Variants in TTC39A observed in about 807,000 individuals in gnomAD.
TTC39A encodes tetratricopeptide repeat domain 39A.
A neutral mutation model predicts 82.3 loss-of-function variants in TTC39A; 46 were observed. The ratio of observed to expected loss-of-function variants is 0.56; its 90% CI spans 0.44 to 0.71. The LOEUF (loss-of-function observed/expected upper bound fraction) is 0.71, where lower values mean the gene tolerates loss of function less well. TTC39A is among the 30% of genes least tolerant of loss of function. TTC39A has a pLI of 0.00. For missense variants in TTC39A, 543 were observed against 712.9 expected, an observed-to-expected ratio of 0.76 and a Z score of 2.71; for synonymous variants, 254 against 275.2, an observed-to-expected ratio of 0.92 and a Z score of 0.76.
intron 15 of TTC39A, 83 bp from the exon 16 acceptor site, chr1:51,290,202 G>T: frequency 2.3e-6 from 3 of 1,285,578 alleles, no homozygotes; most frequent in Non-Finnish European, 3.3e-6. Flanking sequence ...TTTGTGCTAG[G>T]TCAAAGGGAC....
chr1:51,320,410 CT>C (rs1557735343), intron 2 of TTC39A, among the ~76,000 whole-genome samples: 1 of 124,328 alleles, frequency 8.0e-6, no homozygotes, highest in African/African-American at 3.1e-5. Flanking sequence ...TTTTCTTTTT[CT>C]TTTTCTTTTT....
chr1:51,302,085 G>GCACCTCCCTC (rs71578067), intron 11 of TTC39A: 7,674 of 720,198 alleles, frequency 0.011, 83 homozygotes, highest in South Asian at 0.023. Flanking sequence ...CCTCCCTCAA[G>GCACCTCCCTC]CACCTCCCTC....
chr1:51,302,365 T>C lies in TTC39A; in HGVS notation c.883A>G (p.Ile295Val), dbSNP rs1482111597. 6.2e-7 allele frequency: 1 copy of C among 1,603,278 alleles called. No homozygotes were observed. Among genetic ancestry groups the C allele is most frequent in the East Asian group, 2.2e-5 (1 of 44,452 alleles). ...AGRIEVIKGN[I>V]DAAIRRFEEC... ...GGACCCCCATCACTCACTGCATCAA[T>C]GTTGCCTTTAATGACTTCAATCCTC... Residue 295 changes from isoleucine to valine, a missense_variant, in exon 11 of 18, where the codon ATT (isoleucine) becomes GTT (valine). Transcript: ENST00000680483.
chr1:51,303,646 C>A (rs369181102), intron 8 of TTC39A, among the ~76,000 whole-genome samples: 4 of 152,194 alleles, frequency 2.6e-5, no homozygotes, highest in Non-Finnish European at 4.4e-5. Context: ...GCAGACCCCC[C>A]ACCTTGTTTC....
chr1:51,302,194 C>A, intron 11 of TTC39A, 163 bp downstream of exon 11: 1 of 900,318 alleles, frequency 1.1e-6, no homozygotes, highest in South Asian at 1.4e-5. Flanking sequence ...GGCTGCTCTG[C>A]CAGAAGGGCC....
At chr1:51,308,546 C>A (rs2148211187) in intron 6 of TTC39A, among the ~76,000 whole-genome samples, 2 of 152,280 alleles carry the variant, frequency 1.3e-5, no homozygotes, top group South Asian at 4.1e-4. Context: ...AGCCTCAAAT[C>A]AACTTTTAAT....
At chr1:51,331,262 T>A (rs1454141807), upstream of TTC39A, 4 of 1,547,452 alleles carry the variant, frequency 2.6e-6, no homozygotes, top group East Asian at 9.8e-5. Context: ...AGTGCCTGTG[T>A]GGGGGTCACC....
exon 1 of TTC39A, chr1:51,345,047 C>A (rs1481369889): frequency 1.4e-6 from 2 of 1,475,240 alleles, no homozygotes; most frequent in South Asian, 1.3e-5. Flanking sequence ...AGGCCATGGG[C>A]GCGGGCCGGG....
chr1:51,294,605 G>C lies in TTC39A; in HGVS notation c.1146-94C>G. On this transcript the variant is annotated intron_variant, in intron 13 of 17. Transcript: ENST00000680483. The surrounding 1 kb of genome is among the most constrained non-coding windows in gnomAD (Gnocchi z 4.3). ...ACCCAGCTATGCTTGGCGCCTCTCT[G>C]GGCCTCAGTTTCCCCATCTGCACAA... 6.4e-7 allele frequency: 1 copy of C among 1,553,852 alleles called. No individual in the cohort carries two copies. The highest frequency in any genetic ancestry group is 1.2e-5 in the South Asian group (1 of 84,964).
Position 51,294,610 on chromosome 1 carries a change from TCA to T in TTC39A, c.1146-101_1146-100del, listed in dbSNP as rs1644345461. On this transcript the variant is annotated intron_variant, in intron 13 of 17. Coordinates refer to ENST00000680483, the MANE Select transcript of TTC39A (RefSeq NM_001297663.2). The surrounding 1 kb of genome is among the most constrained non-coding windows in gnomAD (Gnocchi z 4.3). ...GCTATGCTTGGCGCCTCTCTGGGCCTCAGTTTCCCCATCTGCACAATGACAGT... is the reference window on the plus strand; with the variant it reads ...GCTATGCTTGGCGCCTCTCTGGGCCTGTTTCCCCATCTGCACAATGACAGT... 1 of 1,530,798 alleles carries T rather than the reference TCA, an allele frequency of 6.5e-7. No individual in the cohort carries two copies. The highest frequency in any genetic ancestry group is 1.4e-5 in the African/African-American group (1 of 73,378). 94.8% of individuals were successfully genotyped at this position (1,530,798 alleles called of 1,614,324 possible).
chr1:51,339,544 G>C (rs184565530), intron 1 of TTC39A, among the ~76,000 whole-genome samples: 1 of 152,174 alleles, frequency 6.6e-6, no homozygotes, highest in African/African-American at 2.4e-5. Context: ...CTACAGGAAG[G>C]CTCCTTCCAG....
chr1:51,296,324 T>TG (rs1490440147), intron 12 of TTC39A, among the ~76,000 whole-genome samples, 154 bp from the exon 13 acceptor site: 1 of 152,200 alleles, frequency 6.6e-6, no homozygotes, highest in Non-Finnish European at 1.5e-5. Context: ...TGAAGCAACT[T>TG]GAAGACCTGA....
In TTC39A at chr1:51,312,113, C is replaced by A. The variant is rs139321660; in HGVS notation, c.355+6G>T. On this transcript the variant is annotated splice_donor_region_variant and intron_variant, in intron 4 of 17. Coordinates refer to ENST00000680483, the MANE Select transcript of TTC39A (RefSeq NM_001297663.2). ...CATGGTTGAAAGGATGTCCTGGATG[C>A]CACACCTTCAGTGAATTGGCCCAGC... 3 of 1,609,862 alleles carry A rather than the reference C, an allele frequency of 1.9e-6. No homozygotes were observed. Among genetic ancestry groups the A allele is most frequent in the East Asian group, 2.2e-5 (1 of 44,824 alleles).
intron 2 of TTC39A, 139 bp from the exon 3 acceptor site, chr1:51,313,082 C>G: frequency 8.3e-7 from 1 of 1,205,816 alleles, no homozygotes; most frequent in East Asian, 2.4e-5. Context: ...AGGGCCTTGG[C>G]CAGGTCTAAT....
chr1:51,311,823 C>T (rs984290697), intron 4 of TTC39A, among the ~76,000 whole-genome samples: 3 of 152,246 alleles, frequency 2.0e-5, no homozygotes, highest in Non-Finnish European at 4.4e-5. Flanking sequence ...GCACATACAA[C>T]TCTAAACACC....
At chr1:51,344,581 G>T (rs987533242) in intron 1 of TTC39A, among the ~76,000 whole-genome samples, 1 of 152,232 alleles carries the variant, frequency 6.6e-6, no homozygotes, top group Non-Finnish European at 1.5e-5. Flanking sequence ...GGCTTCATCT[G>T]TCCGGGCACA....
intron 2 of TTC39A, among the ~76,000 whole-genome samples, chr1:51,318,915 C>T (rs11577254): frequency 0.11 from 17,227 of 152,172 alleles, 1,376 homozygotes; most frequent in South Asian, 0.37. Context: ...TTAAACAGGA[C>T]TAGACAGACA....
rs893494151 is a variant in TTC39A at position 51,287,955 on chromosome 1, C to T, written c.*202G>A. Reference sequence around the variant, plus strand: ...TAGGGCAGGCAGAGGGCTCCACCTGCTCTGCCCTTGGCAAAGGCCCTTGGC... The same window carrying T: ...TAGGGCAGGCAGAGGGCTCCACCTGTTCTGCCCTTGGCAAAGGCCCTTGGC... On this transcript the variant is annotated 3_prime_UTR_variant, in exon 18 of 18. Coordinates refer to ENST00000680483, the MANE Select transcript of TTC39A (RefSeq NM_001297663.2). 2.3e-5 allele frequency: 17 copies of T among 734,142 alleles called. No homozygotes were observed. The highest frequency in any genetic ancestry group is 4.0e-4 in the Middle Eastern group (1 of 2,520). 45.5% of individuals were successfully genotyped at this position (734,142 alleles called of 1,614,324 possible).
intron 14 of TTC39A, among the ~76,000 whole-genome samples, chr1:51,293,555 G>A (rs1268077797): frequency 6.6e-6 from 1 of 152,134 alleles, no homozygotes; most frequent in African/African-American, 2.4e-5. Context: ...TTACATAAGG[G>A]GAAGAGGGAA....
Sources: gnomAD v4.1 joint callset for allele counts (sites outside exome capture counted in the v4.1 genomes callset) on GRCh38, gnomAD v4.1.1 for gene constraint, Gnocchi (gnomAD v3.1) non-coding constraint, MANE v1.5 for transcripts, NCBI Gene and HGNC (gene_info 2026-07-23, HGNC 2026-07-21) for gene names.